Variants in NDST3 observed in about 807,000 individuals in gnomAD.
NDST3 encodes the protein bifunctional heparan sulfate N-deacetylase/N-sulfotransferase 3.
Under a neutral mutation model 96.1 loss-of-function variants are expected in NDST3, and 58 were observed. That is an observed-to-expected ratio of 0.60 (90% CI 0.49 to 0.75). The LOEUF (loss-of-function observed/expected upper bound fraction) is 0.75, where lower values mean the gene tolerates loss of function less well. Ranked by LOEUF, NDST3 falls within the 30% of genes least tolerant of loss-of-function variation. The pLI is 0.00. For missense variants in NDST3, 788 were observed against 1,034.2 expected (o/e 0.76, Z 3.27); for synonymous variants, 333 against 359.7 (o/e 0.93, Z 0.84).
chr4:118,210,647 G>A (rs990940476), intron 6 of NDST3, among the ~76,000 whole-genome samples: 48 of 151,882 alleles, frequency 3.2e-4, no homozygotes, highest in African/African-American at 1.1e-3. Flanking sequence ...GTGGTGGCAC[G>A]CTCCTGTAGT....
chr4:118,156,985 T>A (rs549005921), intron 6 of NDST3, among the ~76,000 whole-genome samples: 8 of 152,322 alleles, frequency 5.3e-5, no homozygotes, highest in Non-Finnish European at 1.2e-4. Flanking sequence ...AATTTTTTAA[T>A]GAACAATCTG....
At chr4:118,152,032 T>C (rs1734432585) in intron 6 of NDST3, among the ~76,000 whole-genome samples, 1 of 152,196 alleles carries the variant, frequency 6.6e-6, no homozygotes, top group Non-Finnish European at 1.5e-5. Flanking sequence ...ACATAATATG[T>C]TTTACCTAGT....
At chr4:118,125,818 C>T (rs1292683217) in intron 4 of NDST3, among the ~76,000 whole-genome samples, 3 of 152,140 alleles carry the variant, frequency 2.0e-5, no homozygotes, top group African/African-American at 4.8e-5. Flanking sequence ...GAAATATTAT[C>T]ATTTATCACA....
chr4:118,179,400 T>A (rs549377214), intron 6 of NDST3, among the ~76,000 whole-genome samples: 2 of 152,120 alleles, frequency 1.3e-5, no homozygotes, highest in African/African-American at 4.8e-5. Flanking sequence ...TTTGCAAAAA[T>A]TAGGTTTTTT....
intron 6 of NDST3, among the ~76,000 whole-genome samples, chr4:118,176,682 AAT>A (rs1431457178): frequency 2.0e-5 from 3 of 152,122 alleles, no homozygotes; most frequent in African/African-American, 7.2e-5. Context: ...TACATTAAGA[AAT>A]ATTTATTAAA....
intron 2 of NDST3, among the ~76,000 whole-genome samples, chr4:118,085,053 G>A (rs775981315): frequency 6.6e-6 from 1 of 152,148 alleles, no homozygotes; most frequent in Non-Finnish European, 1.5e-5. Flanking sequence ...AACCCAGGAG[G>A]CAGAGGTTGC....
chr4:118,185,870 T>TA (rs1477361273), intron 6 of NDST3, among the ~76,000 whole-genome samples: 8 of 152,176 alleles, frequency 5.3e-5, no homozygotes, highest in East Asian at 1.9e-4. Flanking sequence ...AGGCTGCACT[T>TA]AAAGTATGTA....
intron 6 of NDST3, among the ~76,000 whole-genome samples, chr4:118,204,708 G>A (rs1445965730): frequency 6.9e-6 from 1 of 144,408 alleles, no homozygotes; most frequent in Non-Finnish European, 1.5e-5. Flanking sequence ...TATTACATGT[G>A]AATATGTGTA....
chr4:118,178,916 T>C (rs558344509), intron 6 of NDST3, among the ~76,000 whole-genome samples: 1 of 152,166 alleles, frequency 6.6e-6, no homozygotes, highest in East Asian at 1.9e-4. Context: ...AATATTGTGA[T>C]TTATCCTACT....
At position 118,138,076 on chromosome 4, in the gene NDST3, T is replaced by C. The variant is rs769683392; in HGVS notation, c.1247T>C (p.Met416Thr). ...TAGGAGCACGGCATTCCAACGGACA[T>C]GGGCTACGCTGTGGCCCCTCACCAT... ...FALEHGIPTDMGYAVAPHHSG... is the reference protein window; with the variant it reads ...FALEHGIPTDTGYAVAPHHSG... Residue 416 changes from methionine to threonine, a missense_variant, in exon 5 of 14, where the codon ATG (methionine) becomes ACG (threonine). Met to Thr is a moderately conservative substitution (Grantham distance 81). Transcript: ENST00000296499. The C allele has an allele frequency of 5.0e-6, 8 of 1,610,414 alleles. No individual in the cohort carries two copies. Among genetic ancestry groups the C allele is most frequent in the Non-Finnish European group, 5.1e-6 (6 of 1,178,374 alleles).
At position 118,114,977 on chromosome 4, in the gene NDST3, G is replaced by C; in HGVS notation, c.1224+17G>C. On this transcript the variant is annotated intron_variant, in intron 4 of 13. Coordinates refer to ENST00000296499, the MANE Select transcript of NDST3 (RefSeq NM_004784.3). ...TTTGCCTTAGTAAGTAACTCACTTT[G>C]TTGCATTGAAGTAGTGTACACTGAT... 1.2e-6 allele frequency: 2 copies of C among 1,613,108 alleles called. No homozygotes were observed. Among genetic ancestry groups the C allele is most frequent in the Non-Finnish European group, 1.7e-6 (2 of 1,179,162 alleles).
At chr4:118,049,115 G>A (rs1724931057) in intron 1 of NDST3, among the ~76,000 whole-genome samples, 1 of 152,070 alleles carries the variant, frequency 6.6e-6, no homozygotes, top group African/African-American at 2.4e-5. Context: ...ACTTGCTCCT[G>A]AATAACTCCT....
In NDST3 at chr4:118,104,953, A is replaced by G. The variant is rs1383973400; in HGVS notation, c.982-65A>G. On this transcript the variant is annotated intron_variant, in intron 2 of 13. Coordinates refer to ENST00000296499, the MANE Select transcript of NDST3 (RefSeq NM_004784.3). Reference sequence around the variant, plus strand: ...TTTATCCTCTGAATGCAAAAAGGATATATCTTTTGGAAACTTTTTAATGCC... The same window carrying G: ...TTTATCCTCTGAATGCAAAAAGGATGTATCTTTTGGAAACTTTTTAATGCC... 5.4e-6 allele frequency: 7 copies of G among 1,294,458 alleles called. No homozygotes were observed. The East Asian group carries it at 9.3e-5, about 17-fold the overall frequency. 80.2% of individuals were successfully genotyped at this position (1,294,458 alleles called of 1,614,324 possible). A position where few individuals can be genotyped will look rare whatever the true frequency, so the allele number is the denominator to read the frequency against.
Position 118,038,146 on chromosome 4 carries a change from G to A in NDST3, c.-156+3554G>A, listed in dbSNP as rs540420753. On this transcript the variant is annotated intron_variant, in intron 1 of 13. Transcript: ENST00000296499. ...TGGATTAGACCCTAAAAGCTGCATT[G>A]TCAGCACTCACATATGTCATATGTG... is the stretch of plus-strand genomic sequence containing the variant. 2.0e-5 allele frequency among the ~76,000 whole-genome samples: 3 copies of A among 152,200 alleles called. No homozygotes were observed. The East Asian group carries it at 5.8e-4, about 29-fold the overall frequency.
chr4:118,147,950 A>G (rs1371251733), intron 6 of NDST3, among the ~76,000 whole-genome samples: 1 of 152,208 alleles, frequency 6.6e-6, no homozygotes, highest in Non-Finnish European at 1.5e-5. Flanking sequence ...ATGCTTGATA[A>G]TAAAGTCAGT....
At chr4:118,151,479 C>T (rs1734396317) in intron 6 of NDST3, among the ~76,000 whole-genome samples, 1 of 152,054 alleles carries the variant, frequency 6.6e-6, no homozygotes, top group Admixed American at 6.6e-5. Flanking sequence ...ATAGTGAGTA[C>T]TGCCTGAGAT....
At chr4:118,074,318 C>T (rs992814724) in intron 2 of NDST3, among the ~76,000 whole-genome samples, 3 of 151,884 alleles carry the variant, frequency 2.0e-5, no homozygotes, top group South Asian at 2.1e-4. Flanking sequence ...GCTTAGGTAC[C>T]GAATATCTTT....
At chr4:118,191,824 C>T (rs6856765) in intron 6 of NDST3, among the ~76,000 whole-genome samples, 7,577 of 152,162 alleles carry the variant, frequency 0.05, 377 homozygotes, top group African/African-American at 0.12. Flanking sequence ...CTGAATCATA[C>T]GGTAAGCCTA....
intron 2 of NDST3, among the ~76,000 whole-genome samples, chr4:118,064,175 T>C (rs1001979714): frequency 6.6e-6 from 1 of 152,170 alleles, no homozygotes; most frequent in Non-Finnish European, 1.5e-5. Flanking sequence ...ATAATTCTGA[T>C]AATCTCACTT....
Sources: gnomAD v4.1 joint callset for allele counts (sites outside exome capture counted in the v4.1 genomes callset) on GRCh38, gnomAD v4.1.1 for gene constraint, MANE v1.5 for transcripts, NCBI Gene and HGNC (gene_info 2026-07-23, HGNC 2026-07-21) for gene names.